CDKN2B-AS1: variants seen among roughly 807,000 people sequenced by gnomAD.
The protein encoded by CDKN2B-AS1 is CDKN2B antisense RNA 1 (non-protein coding).
At chr9:22,012,920 T>C (rs779334678) in intron 1 of CDKN2B-AS1, among the ~76,000 whole-genome samples, 30 of 152,220 alleles carry the variant, frequency 2.0e-4, no homozygotes, top group Non-Finnish European at 3.5e-4. Context: ...GTGGACTTGT[T>C]CATCATTTTA....
chr9:22,083,336 G>C (rs1334647428), intron 4 of CDKN2B-AS1, among the ~76,000 whole-genome samples: 1 of 152,180 alleles, frequency 6.6e-6, no homozygotes, highest in Non-Finnish European at 1.5e-5. Context: ...ATGGAGTGCA[G>C]GGGATGCAGA....
In CDKN2B-AS1 at chr9:21,996,941, A is replaced by C. The variant is rs903202850; in HGVS notation, n.29+1780A>C. Among the ~76,000 whole-genome samples the C allele has an allele frequency of 1.3e-5, 2 of 152,214 alleles. No individual in the cohort carries two copies. Among genetic ancestry groups the C allele is most frequent in the Non-Finnish European group, 1.5e-5 (1 of 68,042 alleles). On this transcript the variant is annotated intron_variant and non_coding_transcript_variant, in intron 1 of 4. Transcript: ENST00000650946. This position sits in a 1 kb window ranked among gnomAD's most constrained non-coding sequence, Gnocchi z 5.4. ...TAAACATCTTTTGAAGTCGCTATCT[A>C]TATCAGTCAGTTCTCCAGGGAAACA... is the stretch of plus-strand genomic sequence containing the variant.
chr9:22,115,176 C>T (rs1410484439), intron 4 of CDKN2B-AS1, among the ~76,000 whole-genome samples: 2 of 152,170 alleles, frequency 1.3e-5, no homozygotes, highest in African/African-American at 4.8e-5. Flanking sequence ...GTGTCTGAGT[C>T]ACAAGGACTC....
chr9:22,122,434 C>G (rs1587557361), intron 4 of CDKN2B-AS1, among the ~76,000 whole-genome samples: 1 of 151,908 alleles, frequency 6.6e-6, no homozygotes, highest in African/African-American at 2.4e-5. Flanking sequence ...GTTTGTGTTA[C>G]CTATGTTTTT....
chr9:22,017,367 A>C (rs1228642349), intron 1 of CDKN2B-AS1, among the ~76,000 whole-genome samples: 1 of 152,212 alleles, frequency 6.6e-6, no homozygotes, highest in Admixed American at 6.5e-5. Context: ...GTCTGCCTAT[A>C]TGGGTTATCT....
chr9:22,041,444 T>C (rs1360590), intron 1 of CDKN2B-AS1, among the ~76,000 whole-genome samples: 89,571 of 151,906 alleles, frequency 0.59, 27,584 homozygotes, highest in African/African-American at 0.74. Context: ...TGCCCCACAG[T>C]ACCCAGAAAG....
At chr9:22,012,454 T>C in intron 1 of CDKN2B-AS1, 2 of 705,726 alleles carry the variant, frequency 2.8e-6, no homozygotes, top group East Asian at 2.8e-5. Context: ...ATAAGCGCTA[T>C]GCTCTCCTGC....
Position 22,005,614 on chromosome 9 carries a change from C to T in CDKN2B-AS1, n.29+10453C>T, listed in dbSNP as rs551180192. The T allele has an allele frequency of 3.6e-4, 162 of 446,018 alleles. No homozygotes were observed. Among genetic ancestry groups the T allele is most frequent in the African/African-American group, 2.8e-3 (144 of 51,410 alleles). 27.6% of individuals were successfully genotyped at this position (446,018 alleles called of 1,614,324 possible). On this transcript the variant is annotated intron_variant and non_coding_transcript_variant, in intron 1 of 4. Transcript: ENST00000650946. This position sits in a 1 kb window ranked among gnomAD's most constrained non-coding sequence, Gnocchi z 4.9. ...CTAATCACTGCCTTCTCCCACTCAG[C>T]GCTGGAGTGGGAGATTCATCCATCG... is the stretch of plus-strand genomic sequence containing the variant.
intron 4 of CDKN2B-AS1, among the ~76,000 whole-genome samples, chr9:22,093,954 A>C (rs1006666257): frequency 2.8e-5 from 4 of 144,438 alleles, no homozygotes; most frequent in Admixed American, 6.7e-5. Flanking sequence ...AGTGGCTGGT[A>C]GTGGTTGTTC....
At chr9:22,085,368 C>T (rs1215968958) in intron 4 of CDKN2B-AS1, among the ~76,000 whole-genome samples, 2 of 152,166 alleles carry the variant, frequency 1.3e-5, no homozygotes, top group Non-Finnish European at 2.9e-5. Context: ...GCCTGTTTAT[C>T]CCAAGGACCT....
At chr9:22,061,422 G>T (rs1823813873) in intron 4 of CDKN2B-AS1, among the ~76,000 whole-genome samples, 1 of 152,148 alleles carries the variant, frequency 6.6e-6, no homozygotes, top group Admixed American at 6.5e-5. Context: ...TTATAAGAAA[G>T]TGAGGGTTGA....
intron 4 of CDKN2B-AS1, among the ~76,000 whole-genome samples, chr9:22,109,794 T>C (rs1825756450): frequency 6.6e-6 from 1 of 152,168 alleles, no homozygotes; most frequent in African/African-American, 2.4e-5. Context: ...GTGGGGAACC[T>C]AAAGTGGATT....
chr9:22,047,190 T>C (rs1823143258), intron 2 of CDKN2B-AS1, among the ~76,000 whole-genome samples: 1 of 152,170 alleles, frequency 6.6e-6, no homozygotes, highest in Non-Finnish European at 1.5e-5. Context: ...CCTTCCTTTT[T>C]CTTTTCTCCT....
At chr9:22,080,311 T>G (rs942251003) in intron 4 of CDKN2B-AS1, among the ~76,000 whole-genome samples, 8 of 152,218 alleles carry the variant, frequency 5.3e-5, no homozygotes, top group Admixed American at 2.0e-4. Context: ...AACTTAGAAA[T>G]GTACCGACCA....
intron 1 of CDKN2B-AS1, among the ~76,000 whole-genome samples, chr9:22,002,120 G>A (rs1820946278): frequency 6.6e-6 from 1 of 151,940 alleles, no homozygotes; most frequent in Admixed American, 6.6e-5. Flanking sequence ...TATTCTCCAA[G>A]TTTTCATCAA....
intron 4 of CDKN2B-AS1, among the ~76,000 whole-genome samples, chr9:22,059,737 A>C: frequency 6.6e-6 from 1 of 152,210 alleles, no homozygotes; most frequent in Non-Finnish European, 1.5e-5. Flanking sequence ...GCCCCGCCCC[A>C]GCAGCAAACT....
At chr9:22,008,265 T>C (rs1032362686) in intron 1 of CDKN2B-AS1, among the ~76,000 whole-genome samples, 33 of 152,186 alleles carry the variant, frequency 2.2e-4, no homozygotes, top group African/African-American at 7.7e-4. Flanking sequence ...GCATCACTCA[T>C]AAGACACTGC....
intron 1 of CDKN2B-AS1, among the ~76,000 whole-genome samples, chr9:22,038,910 A>G (rs533031198): frequency 6.6e-6 from 1 of 152,100 alleles, no homozygotes. Flanking sequence ...TATTCTAGAA[A>G]TAGTAATTTC....
In CDKN2B-AS1 at chr9:22,005,405, A is replaced by G. The variant is rs1821122365; in HGVS notation, n.29+10244A>G. ...GGCTTCCAGAGAGTGTCGTTTACGC[A>G]TGTGACTTGCCATGCGCTCAAACTA... On this transcript the variant is annotated intron_variant and non_coding_transcript_variant, in intron 1 of 4. Transcript: ENST00000650946. This position sits in a 1 kb window ranked among gnomAD's most constrained non-coding sequence, Gnocchi z 4.9. 4.1e-6 allele frequency: 1 copy of G among 246,216 alleles called. No homozygotes were observed. Among genetic ancestry groups the G allele is most frequent in the Non-Finnish European group, 7.9e-6 (1 of 125,870 alleles). The allele number at this position is 246,216 out of a possible 1,614,324, so 15.3% of individuals were successfully genotyped here.
Sources: gnomAD v4.1 joint callset for allele counts (sites outside exome capture counted in the v4.1 genomes callset) on GRCh38, gnomAD v4.1.1 for gene constraint, Gnocchi (gnomAD v3.1) non-coding constraint, MANE v1.5 for transcripts, NCBI Gene and HGNC (gene_info 2026-07-23, HGNC 2026-07-21) for gene names.